SGCZ: variants seen among roughly 807,000 people sequenced by gnomAD.
The protein encoded by SGCZ is zeta-sarcoglycan.
Under a neutral mutation model 41.3 loss-of-function variants are expected in SGCZ, and 40 were observed. The ratio of observed to expected loss-of-function variants is 0.97; its 90% CI spans 0.75 to 1.26. The LOEUF (loss-of-function observed/expected upper bound fraction) is 1.26, where lower values mean the gene tolerates loss of function less well. Ranked by LOEUF, SGCZ falls within the 50% of genes most tolerant of loss-of-function variation. SGCZ has a pLI of 0.00. For synonymous variants in SGCZ, 206 were observed against 137.5 expected (o/e 1.50, Z -3.49); for missense variants, 552 against 369.8 (o/e 1.49, Z -4.04).
intron 1 of SGCZ, among the ~76,000 whole-genome samples, chr8:14,582,473 C>T (rs1308883541): frequency 6.6e-6 from 1 of 152,042 alleles, no homozygotes; most frequent in South Asian, 2.1e-4. Context: ...TATAAATCAG[C>T]TAAACTTCTG....
At chr8:14,808,491 A>C (rs1203013988) in intron 1 of SGCZ, among the ~76,000 whole-genome samples, 1 of 152,206 alleles carries the variant, frequency 6.6e-6, no homozygotes, top group African/African-American at 2.4e-5. Context: ...AATGATCATC[A>C]CTGGCCATCA....
chr8:14,155,103 C>T (rs934055075), intron 5 of SGCZ, among the ~76,000 whole-genome samples: 3 of 152,176 alleles, frequency 2.0e-5, no homozygotes, highest in Non-Finnish European at 4.4e-5. Flanking sequence ...CAGTAACGCA[C>T]TCTGTAGACA....
chr8:14,149,351 T>C (rs1441115564), intron 5 of SGCZ, among the ~76,000 whole-genome samples: 3 of 152,084 alleles, frequency 2.0e-5, no homozygotes, highest in African/African-American at 4.8e-5. Context: ...AAAATCAACA[T>C]ACGAAATTCA....
At chr8:14,109,715 A>G (rs754503333) in intron 5 of SGCZ, among the ~76,000 whole-genome samples, 2 of 152,208 alleles carry the variant, frequency 1.3e-5, no homozygotes, top group Non-Finnish European at 2.9e-5. Context: ...ATGGAAATGT[A>G]TTAGAAGCAT....
At chr8:14,198,301 G>A (rs901070866) in intron 4 of SGCZ, among the ~76,000 whole-genome samples, 1 of 152,164 alleles carries the variant, frequency 6.6e-6, no homozygotes, top group Non-Finnish European at 1.5e-5. Flanking sequence ...TATAGTGATT[G>A]TGTCCAAGTA....
At chr8:14,901,320 G>T (rs919839163) in intron 1 of SGCZ, among the ~76,000 whole-genome samples, 3 of 152,134 alleles carry the variant, frequency 2.0e-5, no homozygotes, top group Non-Finnish European at 4.4e-5. Context: ...AAAGGCATCT[G>T]TCCATTATGC....
At chr8:15,185,491 C>G (rs1800305251) in intron 1 of SGCZ, among the ~76,000 whole-genome samples, 1 of 152,124 alleles carries the variant, frequency 6.6e-6, no homozygotes, top group Non-Finnish European at 1.5e-5. Flanking sequence ...CTTGTTTACT[C>G]TTTTTCTATA....
chr8:14,292,683 G>C (rs747772761), intron 3 of SGCZ, among the ~76,000 whole-genome samples: 1 of 151,848 alleles, frequency 6.6e-6, no homozygotes, highest in Non-Finnish European at 1.5e-5. Flanking sequence ...TCAAATTCTG[G>C]ATCTACCACT....
chr8:14,596,952 T>G (rs1367511440), intron 1 of SGCZ, among the ~76,000 whole-genome samples: 1 of 152,122 alleles, frequency 6.6e-6, no homozygotes, highest in Non-Finnish European at 1.5e-5. Context: ...AAAAACAACC[T>G]GTCATCAACC....
At chr8:14,624,566 T>TA (rs1806390835) in intron 1 of SGCZ, among the ~76,000 whole-genome samples, 39 of 124,516 alleles carry the variant, frequency 3.1e-4, no homozygotes, top group African/African-American at 1.1e-3. Context: ...TTTTTTTTTT[T>TA]TTTTTTTTTT....
intron 1 of SGCZ, among the ~76,000 whole-genome samples, chr8:14,828,515 G>A (rs1221430436): frequency 6.6e-6 from 1 of 152,180 alleles, no homozygotes; most frequent in Admixed American, 6.5e-5. Context: ...TTTTAAACAA[G>A]TGTAATCAAG....
chr8:14,845,806 C>T (rs1803080742), intron 1 of SGCZ, among the ~76,000 whole-genome samples: 1 of 151,906 alleles, frequency 6.6e-6, no homozygotes, highest in African/African-American at 2.4e-5. Context: ...AAGAAACTAC[C>T]AGATTACATA....
intron 1 of SGCZ, among the ~76,000 whole-genome samples, chr8:15,135,935 A>C (rs1808086486): frequency 1.3e-5 from 2 of 152,158 alleles, no homozygotes; most frequent in Non-Finnish European, 1.5e-5. Flanking sequence ...ACCTACTTTT[A>C]ATTATATGCA....
At chr8:14,423,011 G>A (rs1171174469) in intron 2 of SGCZ, among the ~76,000 whole-genome samples, 1 of 152,120 alleles carries the variant, frequency 6.6e-6, no homozygotes, top group Admixed American at 6.6e-5. Flanking sequence ...CTGGGCAACA[G>A]TGTGAGACCC....
intron 3 of SGCZ, among the ~76,000 whole-genome samples, chr8:14,298,611 C>G (rs574848030): frequency 6.6e-6 from 1 of 151,924 alleles, no homozygotes; most frequent in Non-Finnish European, 1.5e-5. Context: ...TTTATATACT[C>G]AGAACAAAAT....
intron 1 of SGCZ, among the ~76,000 whole-genome samples, chr8:15,115,043 A>G (rs113594912): frequency 1.3e-5 from 2 of 152,338 alleles, no homozygotes; most frequent in African/African-American, 4.8e-5. Flanking sequence ...ACACTCTCAA[A>G]TCTAAGAGTG....
chr8:14,697,461 G>A (rs1809001130), intron 1 of SGCZ, among the ~76,000 whole-genome samples: 1 of 151,986 alleles, frequency 6.6e-6, no homozygotes, highest in African/African-American at 2.4e-5. Flanking sequence ...CAATACATTT[G>A]CATACCAATC....
At chr8:14,672,732 G>C (rs73525545) in intron 1 of SGCZ, among the ~76,000 whole-genome samples, 1 of 152,058 alleles carries the variant, frequency 6.6e-6, no homozygotes, top group Non-Finnish European at 1.5e-5. Context: ...GTCACCTCAG[G>C]CCTCCAGAAC....
chr8:14,748,689 C>G (rs1263857572), intron 1 of SGCZ, among the ~76,000 whole-genome samples: 1 of 152,034 alleles, frequency 6.6e-6, no homozygotes, highest in Non-Finnish European at 1.5e-5. Context: ...AAGGAATCAT[C>G]TATGAATAAG....
Sources: gnomAD v4.1 joint callset for allele counts (sites outside exome capture counted in the v4.1 genomes callset) on GRCh38, gnomAD v4.1.1 for gene constraint, MANE v1.5 for transcripts, NCBI Gene and HGNC (gene_info 2026-07-23, HGNC 2026-07-21) for gene names.